CEBPZ: variants seen among roughly 807,000 people sequenced by gnomAD.
The protein encoded by CEBPZ is CCAAT/enhancer-binding protein zeta.
CEBPZ carries 78 observed loss-of-function variants against 104.5 expected under a neutral mutation model. That is an observed-to-expected ratio of 0.75 (90% CI 0.62 to 0.90). The LOEUF (loss-of-function observed/expected upper bound fraction) is 0.90, where lower values mean the gene tolerates loss of function less well. Ranked by LOEUF, CEBPZ falls within the 40% of genes least tolerant of loss-of-function variation. The probability of loss-of-function intolerance (pLI) is 0.00; values close to 1 mark genes in which losing one functional copy is unlikely to be tolerated. For synonymous variants in CEBPZ, 470 were observed against 427.0 expected, an observed-to-expected ratio of 1.10 and a Z score of -1.24; for missense variants, 1,439 against 1,233.5, an observed-to-expected ratio of 1.17 and a Z score of -2.50.
At chr2:37,218,127 C>T (rs181508233) in intron 5 of CEBPZ, among the ~76,000 whole-genome samples, 1 of 151,388 alleles carries the variant, frequency 6.6e-6, no homozygotes, top group East Asian at 2.0e-4. Flanking sequence ...ATTAGCCAGG[C>T]GTGGCGGTGT....
intron 8 of CEBPZ, chr2:37,215,358 T>C (rs79109559): frequency 0.012 from 1,781 of 154,384 alleles, 35 homozygotes; most frequent in African/African-American, 0.04. Flanking sequence ...TGCGTGCCAT[T>C]CTGGGAATAA....
intron 12 of CEBPZ, 99 bp downstream of exon 12, chr2:37,211,744 G>T: frequency 1.2e-6 from 1 of 823,270 alleles, no homozygotes; most frequent in Non-Finnish European, 1.8e-6. Context: ...GTATTAATTT[G>T]AATACAGGGC....
Position 37,201,873 on chromosome 2 carries a change from C to T in CEBPZ, c.3056G>A (p.Arg1019His), listed in dbSNP as rs948144685. Residue 1019 changes from arginine to histidine, a missense_variant, in exon 16 of 16, where the codon CGT becomes CAT. Transcript: ENST00000234170. ...SLKQLRWEAE[R>H]DDWLHNRDAK... ...ATCTCTGTTGTGTAGCCAGTCATCA[C>T]GTTCAGCCTCCCATCTAAGCTGTTT... is the stretch of plus-strand genomic sequence containing the variant. 2.4e-5 allele frequency: 38 copies of T among 1,613,564 alleles called. No individual in the cohort carries two copies. The highest frequency in any genetic ancestry group is 1.6e-4 in the Middle Eastern group (1 of 6,084).
chr2:37,229,051 T>C lies in CEBPZ; in HGVS notation c.157-15A>G. 1 of 1,484,680 alleles carries C rather than the reference T, an allele frequency of 6.7e-7. No individual in the cohort carries two copies. The highest frequency in any genetic ancestry group is 1.5e-5 in the South Asian group (1 of 68,018). 92.0% of individuals were successfully genotyped at this position (1,484,680 alleles called of 1,614,324 possible). ...AGGTAATCTTGCTGCATTAAAAACA[T>C]AAGTTAAAAATACATTACAAATGTG... On this transcript the variant is annotated splice_polypyrimidine_tract_variant and intron_variant, in intron 1 of 15. Transcript: ENST00000234170.
At chr2:37,210,530 C>A in intron 13 of CEBPZ, 1 of 129,480 alleles carries the variant, frequency 7.7e-6, no homozygotes, top group Non-Finnish European at 1.7e-5. Flanking sequence ...AATGGAAAAC[C>A]AAACATTCTA....
intron 13 of CEBPZ, among the ~76,000 whole-genome samples, chr2:37,207,435 T>C (rs1350487798): frequency 6.6e-6 from 1 of 152,122 alleles, no homozygotes; most frequent in Non-Finnish European, 1.5e-5. Context: ...TTAAGAAAAC[T>C]GAAATTGTAT....
intron 1 of CEBPZ, among the ~76,000 whole-genome samples, chr2:37,230,051 A>G (rs150919038): frequency 1.7e-4 from 26 of 152,318 alleles, no homozygotes; most frequent in African/African-American, 5.8e-4. Flanking sequence ...AAACACGATT[A>G]AGGTTATTAA....
In CEBPZ at chr2:37,223,222, G is replaced by C; in HGVS notation, c.1829C>G (p.Ser610Cys). 1 of 1,614,104 alleles carries C rather than the reference G, an allele frequency of 6.2e-7. No individual in the cohort carries two copies. Among genetic ancestry groups the C allele is most frequent in the Non-Finnish European group, 8.5e-7 (1 of 1,180,002 alleles). ...PFICGALYLV[S>C]EILKAKPGLR... ...ACCTGGTTTTGCTTTAAGGATCTCA[G>C]ACACAAGATATAAAGCTCCACATAT... The change falls in exon 3 of 16, where the codon TCT becomes TGT. Residue 610 changes from serine (S) to cysteine (C), a missense_variant. Coordinates refer to ENST00000234170, the MANE Select transcript of CEBPZ (RefSeq NM_005760.3).
In CEBPZ at chr2:37,213,940, A is replaced by C. The variant is rs763976668; in HGVS notation, c.2469T>G (p.Val823=). 4 of 1,576,520 alleles carry C rather than the reference A, an allele frequency of 2.5e-6. No homozygotes were observed. Among genetic ancestry groups the C allele is most frequent in the Non-Finnish European group, 8.6e-7 (1 of 1,165,588 alleles). Reference sequence around the variant, plus strand: ...CTGCATCCCGTTTTTGTTTCTCTTTAACAGCAACTTTTTTATAATACCTAT... The same window carrying C: ...CTGCATCCCGTTTTTGTTTCTCTTTCACAGCAACTTTTTTATAATACCTAT... ...FFHRYYKKVA[V]KEKQKRDADE... Residue 823 remains valine, a synonymous_variant, in exon 10 of 16, where the codon GTT becomes GTG. Transcript: ENST00000234170.
intron 4 of CEBPZ, 99 bp downstream of exon 4, chr2:37,222,281 C>G (rs1572506417): frequency 9.0e-7 from 1 of 1,105,576 alleles, no homozygotes; most frequent in East Asian, 2.7e-5. Flanking sequence ...GAGACTCTGT[C>G]TAAATAAATA....
chr2:37,217,127 G>A (rs1206224972), intron 5 of CEBPZ, 90 bp from the exon 6 acceptor site: 5 of 1,061,094 alleles, frequency 4.7e-6, no homozygotes, highest in Admixed American at 1.9e-5. Context: ...GCTGGGTGTG[G>A]TGGCTCACAC....
chr2:37,205,544 T>A (rs1174205455), intron 13 of CEBPZ, among the ~76,000 whole-genome samples: 6 of 152,214 alleles, frequency 3.9e-5, no homozygotes. Flanking sequence ...GACTCTCTTT[T>A]CGGACTCAGC....
chr2:37,228,862 C>G lies in CEBPZ; in HGVS notation c.331G>C (p.Glu111Gln). 7.5e-6 allele frequency: 12 copies of G among 1,598,358 alleles called. No homozygotes were observed. The highest frequency in any genetic ancestry group is 9.4e-6 in the Non-Finnish European group (11 of 1,175,962). ...TTTACTTCTTTTTTGCTGGAATTTT[C>G]TTTTTCAGCTGGTTCATCTTCTTCA... ...LVEEDEPAEK[E>Q]NSSKKEVKIP... Residue 111 changes from glutamate to glutamine, a missense_variant, in exon 2 of 16, where the codon GAA becomes CAA. Transcript: ENST00000234170.
At chr2:37,225,094 C>T (rs182591216) in intron 2 of CEBPZ, among the ~76,000 whole-genome samples, 4 of 152,108 alleles carry the variant, frequency 2.6e-5, no homozygotes, top group Admixed American at 1.3e-4. Context: ...AACTCAAGAT[C>T]CCGAAACCTC....
intron 12 of CEBPZ, chr2:37,211,343 A>G (rs574146978): frequency 1.7e-5 from 5 of 301,558 alleles, no homozygotes; most frequent in Admixed American, 9.8e-5. Context: ...AAAACCCCTT[A>G]AAACAAGAAA....
At position 37,223,421 on chromosome 2, in the gene CEBPZ, T is replaced by A. The variant is rs772503669; in HGVS notation, c.1650-20A>T. ...ATCTTCCTGCAAAACAAAACCAAGG[T>A]CAAATATTTATGTATAAAACCATCT... On this transcript the variant is annotated intron_variant, in intron 2 of 15. Coordinates refer to ENST00000234170, the MANE Select transcript of CEBPZ (RefSeq NM_005760.3). 3.7e-5 allele frequency: 60 copies of A among 1,600,924 alleles called. No individual in the cohort carries two copies. Among genetic ancestry groups the A allele is most frequent in the Non-Finnish European group, 5.0e-5 (59 of 1,168,716 alleles).
rs771042766 is a variant in CEBPZ, at chr2:37,227,899, T to A, written c.1294A>T (p.Asn432Tyr). ...GEVERLLFRS[N>Y]ISSKAQYYAI... ...TAATATTGAGCTTTGGAGCTGATAT[T>A]TGAGCGGAAGAGTAGCCTTTCTACT... Residue 432 changes from asparagine (N) to tyrosine (Y), a missense_variant, in exon 2 of 16, where the codon AAT becomes TAT. Coordinates refer to ENST00000234170, the MANE Select transcript of CEBPZ (RefSeq NM_005760.3). The A allele has an allele frequency of 1.2e-6, 2 of 1,614,202 alleles. No individual in the cohort carries two copies. Among genetic ancestry groups the A allele is most frequent in the Non-Finnish European group, 1.7e-6 (2 of 1,180,034 alleles).
At chr2:37,214,290 ATCAAACCTAATTAACCAG>A in intron 9 of CEBPZ, among the ~76,000 whole-genome samples, 1 of 152,254 alleles carries the variant, frequency 6.6e-6, no homozygotes, top group African/African-American at 2.4e-5. Context: ...AACAAGCCAA[ATCAAACCTAATTAACCAG>A]TCAACCAGAT....
rs1193014693 is a variant in CEBPZ at position 37,222,541 on chromosome 2, A to C, written c.1904T>G (p.Phe635Cys). The C allele has an allele frequency of 5.0e-6, 8 of 1,587,108 alleles. No homozygotes were observed. Among genetic ancestry groups the C allele is most frequent in the African/African-American group, 1.4e-5 (1 of 72,928 alleles). ...GTCTTCATCATCATTTGCATCAATA[A>C]AATTTTCTTCATCATCAGACTCCTA... ...DHPESDDEEN[F>C]IDANDDEDME... The change falls in exon 4 of 16, where the codon TTT becomes TGT. Residue 635 changes from phenylalanine (F) to cysteine (C), a missense_variant. Physicochemically the swap from Phe to Cys is radical, Grantham distance 205 (BLOSUM62 -2). Transcript: ENST00000234170.
Sources: allele counts gnomAD v4.1 joint callset (sites outside exome capture counted in the v4.1 genomes callset), GRCh38; gene constraint gnomAD v4.1.1; transcripts MANE v1.5; gene names NCBI Gene and HGNC (gene_info 2026-07-23, HGNC 2026-07-21).